The following GLE1 variants were observed in gnomAD, a reference collection of about 807,000 sequenced individuals.
GLE1 encodes mRNA export factor GLE1.
In GLE1, 78 loss-of-function variants were observed where a neutral mutation model predicts 97.3. The observed-to-expected ratio is 0.80, with a 90% CI of 0.67 to 0.97. GLE1 has a LOEUF of 0.97. Ranked by LOEUF, GLE1 falls within the 50% of genes least tolerant of loss-of-function variation. GLE1 has a pLI of 0.00. For missense variants in GLE1, 753 were observed against 857.5 expected (o/e 0.88, Z 1.52); for synonymous variants, 302 against 313.4 (o/e 0.96, Z 0.39).
At chr9:128,516,826 G>T (rs543853639) in intron 3 of GLE1, among the ~76,000 whole-genome samples, 1 of 148,384 alleles carries the variant, frequency 6.7e-6, no homozygotes, top group African/African-American at 2.5e-5. Flanking sequence ...GGGTTTCACC[G>T]TGTTGGCCAG....
intron 14 of GLE1, 104 bp downstream of exon 14, chr9:128,539,802 C>A (rs956915538): frequency 6.3e-7 from 1 of 1,593,262 alleles, no homozygotes; most frequent in African/African-American, 1.3e-5. Flanking sequence ...AAGTTAAAAA[C>A]ACCTGTACTA....
intron 1 of GLE1, among the ~76,000 whole-genome samples, chr9:128,508,254 T>A (rs1231285838): frequency 6.7e-6 from 1 of 149,266 alleles, no homozygotes; most frequent in Non-Finnish European, 1.5e-5. Context: ...AAAAAATAAT[T>A]AGCTGAATAT....
At chr9:128,526,083 G>A (rs183509535) in intron 7 of GLE1, among the ~76,000 whole-genome samples, 174 of 149,258 alleles carry the variant, frequency 1.2e-3, no homozygotes, top group African/African-American at 4.2e-3. Flanking sequence ...TTGCAGTGGC[G>A]CGATCTTGGC....
intron 11 of GLE1, among the ~76,000 whole-genome samples, chr9:128,534,936 C>G (rs1278587752): frequency 6.6e-6 from 1 of 151,782 alleles, no homozygotes; most frequent in Non-Finnish European, 1.5e-5. Flanking sequence ...CCAGGATGGT[C>G]TCGATCTCTT....
chr9:128,523,673 C>A lies in GLE1; in HGVS notation c.724C>A (p.Gln242Lys). The A allele has an allele frequency of 1.9e-6, 3 of 1,614,114 alleles. No individual in the cohort carries two copies. Among genetic ancestry groups the A allele is most frequent in the Non-Finnish European group, 2.5e-6 (3 of 1,180,012 alleles). Residue 242 changes from glutamine to lysine, a missense_variant, in exon 6 of 16, where the codon CAG becomes AAG. Gln to Lys is a moderately conservative substitution (Grantham distance 53, BLOSUM62 1). Transcript: ENST00000309971. Reference sequence around the variant, plus strand: ...GGAGCGGCTTCGGAAGGAAGAAGGCCAGATCCGCCTGCGGGCCCTCTATGC... The same window carrying A: ...GGAGCGGCTTCGGAAGGAAGAAGGCAAGATCCGCCTGCGGGCCCTCTATGC... Reference protein sequence around the residue: ...EQERLRKEEGQIRLRALYALQ... With the variant: ...EQERLRKEEGKIRLRALYALQ...
At chr9:128,514,703 T>C (rs1037158090) in intron 2 of GLE1, among the ~76,000 whole-genome samples, 49 of 152,104 alleles carry the variant, frequency 3.2e-4, no homozygotes, top group African/African-American at 1.1e-3. Flanking sequence ...AGAGACAGGG[T>C]ATGTCTTGTG....
In GLE1 at chr9:128,514,685, G is replaced by T. The variant is rs1257012161; in HGVS notation, c.322-844G>T. Among the ~76,000 whole-genome samples the T allele has an allele frequency of 2.0e-5, 3 of 152,092 alleles. No homozygotes were observed. The East Asian group carries it at 5.8e-4, about 30-fold the overall frequency. On this transcript the variant is annotated intron_variant, in intron 2 of 15. Transcript: ENST00000309971. Reference sequence around the variant, plus strand: ...TCTTGTGTATGTTTAGTAGAGACAGGGTTTAGTAGAGACAGGGTATGTCTT... The same window carrying T: ...TCTTGTGTATGTTTAGTAGAGACAGTGTTTAGTAGAGACAGGGTATGTCTT...
chr9:128,505,308 T>A (rs530421587), intron 1 of GLE1, among the ~76,000 whole-genome samples: 3 of 152,274 alleles, frequency 2.0e-5, no homozygotes. Context: ...ACCAAATTTT[T>A]AGATTGATTT....
At chr9:128,518,980 T>C (rs1327156175) in intron 3 of GLE1, among the ~76,000 whole-genome samples, 2 of 152,172 alleles carry the variant, frequency 1.3e-5, no homozygotes, top group Admixed American at 6.5e-5. Flanking sequence ...CATTTATTAG[T>C]TCCCCAAATT....
rs542753051 is a variant in GLE1 at position 128,537,319 on chromosome 9, G to T, written c.1777-667G>T. Among the ~76,000 whole-genome samples the T allele has an allele frequency of 2.0e-5, 3 of 151,836 alleles. No individual in the cohort carries two copies. In the South Asian group the frequency reaches 6.4e-4, roughly 32 times the overall value. ...AATACAAAAATTAGCTGGGCATGGT[G>T]GTGGGCACCTGTAATTCCAGCTACT... On this transcript the variant is annotated intron_variant, in intron 12 of 15. Transcript: ENST00000309971.
At chr9:128,518,326 C>T (rs949344248) in intron 3 of GLE1, among the ~76,000 whole-genome samples, 9 of 152,008 alleles carry the variant, frequency 5.9e-5, no homozygotes, top group East Asian at 1.9e-4. Flanking sequence ...TTTCGGAGGC[C>T]GAGGCAGGCA....
rs904405577 is a variant in GLE1, at chr9:128,509,000, C to T, written c.224C>T (p.Ser75Leu). ...PLSETSPSST[S>L]ASALDQPSFV... ...TCTGAGACTTCGCCATCCTCTACGT[C>T]AGCTTCAGCCCTAGATCAACCCTCA... Residue 75 changes from serine (S) to leucine (L), a missense_variant, in exon 2 of 16, where the codon TCA (serine) becomes TTA (leucine). Coordinates refer to ENST00000309971, the MANE Select transcript of GLE1 (RefSeq NM_001003722.2). 6.2e-7 allele frequency: 1 copy of T among 1,613,142 alleles called. No homozygotes were observed. The highest frequency in any genetic ancestry group is 1.7e-5 in the Admixed American group (1 of 59,996).
intron 3 of GLE1, among the ~76,000 whole-genome samples, chr9:128,517,561 G>A (rs1371947767): frequency 3.3e-5 from 5 of 152,164 alleles, no homozygotes; most frequent in Non-Finnish European, 7.3e-5. Context: ...GGTGAGAAAC[G>A]ACTAATTCTG....
intron 1 of GLE1, 68 bp downstream of exon 1, chr9:128,504,972 T>C (rs1260791377): frequency 1.5e-5 from 16 of 1,058,812 alleles, no homozygotes; most frequent in Non-Finnish European, 2.2e-5. Context: ...TCCCTAGCCG[T>C]TGGCACGTTC....
At position 128,541,242 on chromosome 9, in the gene GLE1, TGGG is replaced by T; in HGVS notation, c.*73_*75del. ...TAAAGGAACTGAAGACAGCTGTATT[TGGG>T]AGAAGTCATGTCAGATTCAGAAATT... On this transcript the variant is annotated 3_prime_UTR_variant, in exon 16 of 16. Coordinates refer to ENST00000309971, the MANE Select transcript of GLE1 (RefSeq NM_001003722.2). The T allele has an allele frequency of 1.1e-6, 1 of 895,014 alleles. No individual in the cohort carries two copies. Among genetic ancestry groups the T allele is most frequent in the East Asian group, 2.4e-5 (1 of 41,766 alleles). The allele number at this position is 895,014 out of a possible 1,614,324, so 55.4% of individuals were successfully genotyped here.
intron 1 of GLE1, among the ~76,000 whole-genome samples, chr9:128,506,601 C>G (rs981419354): frequency 7.9e-5 from 12 of 152,164 alleles, no homozygotes; most frequent in Admixed American, 3.3e-4. Flanking sequence ...GAGGATGGTG[C>G]TGTATTGGCA....
chr9:128,517,039 C>T (rs1847009195), intron 3 of GLE1, among the ~76,000 whole-genome samples: 1 of 151,864 alleles, frequency 6.6e-6, no homozygotes, highest in African/African-American at 2.4e-5. Context: ...CCCGTAATCC[C>T]AGCACTTTGG....
At chr9:128,509,776 T>C (rs1188165025) in intron 2 of GLE1, among the ~76,000 whole-genome samples, 2 of 151,340 alleles carry the variant, frequency 1.3e-5, no homozygotes, top group African/African-American at 2.4e-5. Context: ...CTGGGCAACA[T>C]AGTGAGACCT....
Position 128,509,097 on chromosome 9 carries a change from G to C in GLE1, c.321G>C (p.Lys107Asn). Residue 107 changes from lysine (K) to asparagine (N), a missense_variant and splice_region_variant, in exon 2 of 16, where the codon AAG becomes AAC. Transcript: ENST00000309971. ...CCCCTGCAACACCAAATGGAACCAA[G>C]GTAAGGTTGTGATCAGCTTAAGACA... ...PASPATPNGT[K>N]GKDESQHTES... is the part of the protein sequence containing the mutation. The C allele has an allele frequency of 6.3e-7, 1 of 1,580,348 alleles. No homozygotes were observed. Among genetic ancestry groups the C allele is most frequent in the Non-Finnish European group, 8.7e-7 (1 of 1,149,168 alleles).
Sources: allele counts gnomAD v4.1 joint callset (sites outside exome capture counted in the v4.1 genomes callset), GRCh38; gene constraint gnomAD v4.1.1; transcripts MANE v1.5; gene names NCBI Gene and HGNC (gene_info 2026-07-23, HGNC 2026-07-21).